The following USH1C variants were observed in gnomAD, a reference collection of about 807,000 sequenced individuals.
USH1C encodes harmonin.
A neutral mutation model predicts 119.3 loss-of-function variants in USH1C; 90 were observed. The observed-to-expected ratio is 0.75, with a 90% CI of 0.64 to 0.90. The LOEUF (loss-of-function observed/expected upper bound fraction) is 0.90, where lower values mean the gene tolerates loss of function less well. USH1C is among the 40% of genes least tolerant of loss of function. The pLI is 0.00. For synonymous variants in USH1C, 465 were observed against 443.3 expected (o/e 1.05, Z -0.62); for missense variants, 1,165 against 1,167.7 (o/e 1.00, Z 0.03).
intron 1 of USH1C, among the ~76,000 whole-genome samples, chr11:17,540,430 T>C (rs1004105935): frequency 6.6e-6 from 1 of 151,860 alleles, no homozygotes; most frequent in Non-Finnish European, 1.5e-5. Context: ...CTGTCCTAGG[T>C]CTCCTCTCCA....
chr11:17,531,055 T>C lies in USH1C; in HGVS notation c.387+99A>G. 14 of 1,580,902 alleles carry C rather than the reference T, an allele frequency of 8.9e-6. No homozygotes were observed. The highest frequency in any genetic ancestry group is 1.1e-5 in the Non-Finnish European group (13 of 1,160,206). On this transcript the variant is annotated intron_variant, in intron 4 of 26. Transcript: ENST00000005226. This position sits in a 1 kb window ranked among gnomAD's most constrained non-coding sequence, Gnocchi z 4.2. ...TTCTTCACCCGAAGGCTCAGAAAAG[T>C]GGGTGACCATGTTGTGCCACACAGC...
At chr11:17,536,569 C>G (rs1851239178) in intron 1 of USH1C, among the ~76,000 whole-genome samples, 1 of 152,198 alleles carries the variant, frequency 6.6e-6, no homozygotes, top group Non-Finnish European at 1.5e-5. Flanking sequence ...CCAGCACTGA[C>G]CACTGCTCCC....
intron 15 of USH1C, among the ~76,000 whole-genome samples, chr11:17,513,545 T>C (rs1411558007): frequency 6.6e-6 from 1 of 152,154 alleles, no homozygotes; most frequent in Non-Finnish European, 1.5e-5. Flanking sequence ...GTACTGCTAA[T>C]GTGCTCTGGA....
rs1286750225 is a variant in USH1C at position 17,523,484 on chromosome 11, G to A, written c.760-6C>T. ...TCGACAATCTGGTCCCCTATCTGGT[G>A]GGGAAATGGAGAAAGATTAGTGTGT... On this transcript the variant is annotated splice_polypyrimidine_tract_variant and splice_region_variant and intron_variant, in intron 9 of 26. Transcript: ENST00000005226. 1.2e-6 allele frequency: 2 copies of A among 1,614,018 alleles called. No homozygotes were observed. Among genetic ancestry groups the A allele is most frequent in the Non-Finnish European group, 1.7e-6 (2 of 1,180,002 alleles).
At chr11:17,502,753 GAACT>G (rs1036472486) in intron 20 of USH1C, among the ~76,000 whole-genome samples, 3 of 152,190 alleles carry the variant, frequency 2.0e-5, no homozygotes, top group African/African-American at 7.2e-5. Flanking sequence ...GGTAGTCCCT[GAACT>G]ATGTGGCCTT....
chr11:17,530,197 C>T (rs1407363826), intron 4 of USH1C, among the ~76,000 whole-genome samples: 2 of 152,176 alleles, frequency 1.3e-5, no homozygotes, highest in Admixed American at 6.5e-5. Context: ...ATAACAAACC[C>T]GCTGGAAGCT....
chr11:17,508,606 T>C (rs560462212), intron 18 of USH1C, among the ~76,000 whole-genome samples: 1 of 152,378 alleles, frequency 6.6e-6, no homozygotes, highest in Non-Finnish European at 1.5e-5. Flanking sequence ...CCTCAGAGAT[T>C]GCATGTTTCA....
At chr11:17,513,268 G>A (rs1849975302) in intron 15 of USH1C, among the ~76,000 whole-genome samples, 1 of 152,160 alleles carries the variant, frequency 6.6e-6, no homozygotes, top group African/African-American at 2.4e-5. Context: ...CAGGAGAGGG[G>A]CAGCAGAGAC....
intron 1 of USH1C, among the ~76,000 whole-genome samples, chr11:17,534,728 G>C (rs571246139): frequency 3.3e-5 from 5 of 152,234 alleles, no homozygotes; most frequent in South Asian, 2.1e-4. Flanking sequence ...ACAAAAATTA[G>C]CTGGGCGTAG....
intron 16 of USH1C, among the ~76,000 whole-genome samples, chr11:17,510,798 C>T (rs1849853083): frequency 6.6e-6 from 1 of 152,108 alleles, no homozygotes; most frequent in South Asian, 2.1e-4. Flanking sequence ...ATCCCAGATC[C>T]CCATGAACCC....
intron 15 of USH1C, 105 bp from the exon 16 acceptor site, chr11:17,512,159 G>T: frequency 7.6e-7 from 1 of 1,310,942 alleles, no homozygotes; most frequent in Non-Finnish European, 1.1e-6. Flanking sequence ...CCCATGGTGA[G>T]CCCCTCCCCC....
chr11:17,537,982 T>C (rs1408588113), intron 1 of USH1C, among the ~76,000 whole-genome samples: 3 of 151,998 alleles, frequency 2.0e-5, no homozygotes, highest in African/African-American at 2.4e-5. Context: ...GGTATCCACT[T>C]ATGAAATATA....
intron 1 of USH1C, among the ~76,000 whole-genome samples, chr11:17,535,857 C>T (rs888356846): frequency 5.3e-5 from 8 of 152,124 alleles, no homozygotes; most frequent in Admixed American, 3.9e-4. Flanking sequence ...ACCCAGTGTC[C>T]CACAGCTAAT....
At chr11:17,541,021 G>T (rs7112757) in intron 1 of USH1C, among the ~76,000 whole-genome samples, 1 of 151,970 alleles carries the variant, frequency 6.6e-6, no homozygotes, top group Admixed American at 6.6e-5. Context: ...CCATACAGGC[G>T]GGCATCTGCT....
At position 17,509,617 on chromosome 11, in the gene USH1C, T is replaced by A; in HGVS notation, c.1752A>T (p.Leu584Phe). Residue 584 changes from leucine to phenylalanine, a missense_variant, in exon 18 of 27, where the codon TTA becomes TTT. Physicochemically the swap from Leu to Phe is conservative, Grantham distance 22 (BLOSUM62 0). Coordinates refer to ENST00000005226, the MANE Select transcript of USH1C (RefSeq NM_153676.4). The part of the protein sequence containing the change: ...HKVPAPPVLP[L>F]SGHVSASSSP... ...AGGATGAGGCGCTCACATGGCCAGA[T>A]AAGGGAAGGACAGGGGGCGCCGGGA... The A allele has an allele frequency of 1.9e-6, 3 of 1,573,584 alleles. No individual in the cohort carries two copies. The highest frequency in any genetic ancestry group is 3.8e-5 in the Admixed American group (2 of 53,324).
At chr11:17,515,836 T>C (rs1850119122) in intron 15 of USH1C, among the ~76,000 whole-genome samples, 1 of 152,208 alleles carries the variant, frequency 6.6e-6, no homozygotes, top group South Asian at 2.1e-4. Flanking sequence ...CCAGGCTGCG[T>C]CTGGCACAGC....
chr11:17,517,621 A>T (rs2133853998), intron 14 of USH1C: 2 of 788,308 alleles, frequency 2.5e-6, no homozygotes, highest in Non-Finnish European at 4.3e-6. Context: ...AGAGTTCAGG[A>T]GAGCAGAGCA....
intron 2 of USH1C, among the ~76,000 whole-genome samples, chr11:17,532,033 T>C (rs1851011115): frequency 6.6e-6 from 1 of 152,210 alleles, no homozygotes; most frequent in Admixed American, 6.5e-5. Context: ...AGGCACTCCC[T>C]GGCTTAAAAC....
intron 15 of USH1C, among the ~76,000 whole-genome samples, chr11:17,512,785 G>A (rs1162208252): frequency 6.6e-6 from 1 of 152,172 alleles, no homozygotes; most frequent in African/African-American, 2.4e-5. Context: ...GGAAACTGCA[G>A]GACTGGGAGG....
Sources: allele counts gnomAD v4.1 joint callset (sites outside exome capture counted in the v4.1 genomes callset), GRCh38; gene constraint gnomAD v4.1.1; non-coding constraint Gnocchi (gnomAD v3.1); transcripts MANE v1.5; gene names NCBI Gene and HGNC (gene_info 2026-07-23, HGNC 2026-07-21).